BCAS3: variants seen among roughly 807,000 people sequenced by gnomAD.
The protein encoded by BCAS3 is BCAS4/BCAS3 fusion.
BCAS3 carries 53 observed loss-of-function variants against 116.1 expected under a neutral mutation model. The observed-to-expected ratio is 0.46, with a 90% CI of 0.37 to 0.57. The LOEUF (loss-of-function observed/expected upper bound fraction) is 0.57. Ranked by LOEUF, BCAS3 falls within the 20% of genes least tolerant of loss-of-function variation. The pLI, the probability that BCAS3 is intolerant of heterozygous loss-of-function variation, is 0.00. For missense variants in BCAS3, 917 were observed against 1,165.4 expected, an observed-to-expected ratio of 0.79 and a Z score of 3.10; for synonymous variants, 391 against 408.2, an observed-to-expected ratio of 0.96 and a Z score of 0.51.
intron 10 of BCAS3, among the ~76,000 whole-genome samples, chr17:60,896,956 A>C (rs2145038329): frequency 6.6e-6 from 1 of 151,496 alleles, no homozygotes; most frequent in African/African-American, 2.4e-5. Context: ...CTGCAGTGGT[A>C]CTCTTTGAGT....
chr17:61,175,403 C>T (rs1188134824), intron 22 of BCAS3, among the ~76,000 whole-genome samples: 2 of 151,318 alleles, frequency 1.3e-5, no homozygotes, highest in African/African-American at 2.4e-5. Flanking sequence ...AAAAAAAAAG[C>T]TCTTGGGTTT....
intron 7 of BCAS3, among the ~76,000 whole-genome samples, chr17:60,833,484 T>C (rs1052612645): frequency 7.9e-5 from 12 of 152,226 alleles, no homozygotes; most frequent in Non-Finnish European, 1.6e-4. Context: ...CAAGATTGTG[T>C]CAGAAACTCA....
Position 61,241,515 on chromosome 17 carries a change from T to C in BCAS3, c.2426-126812T>C, listed in dbSNP as rs933755868. 1.3e-5 allele frequency among the ~76,000 whole-genome samples: 2 copies of C among 151,378 alleles called. No homozygotes were observed. Among genetic ancestry groups the C allele is most frequent in the African/African-American group, 4.9e-5 (2 of 41,226 alleles). On this transcript the variant is annotated intron_variant, in intron 22 of 23. Transcript: ENST00000407086. The surrounding 1 kb of genome is among the most constrained non-coding windows in gnomAD (Gnocchi z 4.6). Reference sequence around the variant, plus strand: ...TCACGAGGTCAGGAGATCAAGACCATCCTCGCTAACACGGTGAAACCCCAC... The same window carrying C: ...TCACGAGGTCAGGAGATCAAGACCACCCTCGCTAACACGGTGAAACCCCAC...
chr17:60,972,130 G>A (rs541538572), intron 14 of BCAS3, among the ~76,000 whole-genome samples: 1 of 152,286 alleles, frequency 6.6e-6, no homozygotes, highest in Admixed American at 6.5e-5. Flanking sequence ...TCACCTTGGT[G>A]TACATGTTCG....
Position 61,381,624 on chromosome 17 carries a change from C to T in BCAS3, c.2594-10353C>T, listed in dbSNP as rs1190180584. On this transcript the variant is annotated intron_variant, in intron 23 of 23. Coordinates refer to ENST00000407086, the MANE Select transcript of BCAS3 (RefSeq NM_017679.5). This position sits in a 1 kb window ranked among gnomAD's most constrained non-coding sequence, Gnocchi z 6.0. ...TGCCACCGAGAAGTTAAATCTATTA[C>T]TAAACTCAGGTTTACCATCTGGAAA... 1.3e-5 allele frequency among the ~76,000 whole-genome samples: 2 copies of T among 152,200 alleles called. No homozygotes were observed. The highest frequency in any genetic ancestry group is 2.9e-5 in the Non-Finnish European group (2 of 68,038).
In BCAS3 at chr17:61,104,745, A is replaced by G. The variant is rs2074536182; in HGVS notation, c.2425+20181A>G. ...GAAATGAAAAATATTTGCCCTCTCC[A>G]TAAAAAAAATGCTTACAACTTTATC... is the stretch of plus-strand genomic sequence containing the variant. On this transcript the variant is annotated intron_variant, in intron 22 of 23. Coordinates refer to ENST00000407086, the MANE Select transcript of BCAS3 (RefSeq NM_017679.5). This position sits in a 1 kb window ranked among gnomAD's most constrained non-coding sequence, Gnocchi z 4.1. Among the ~76,000 whole-genome samples, 1 of 152,202 alleles carries G rather than the reference A, an allele frequency of 6.6e-6. No individual in the cohort carries two copies. The highest frequency in any genetic ancestry group is 2.4e-5 in the African/African-American group (1 of 41,446).
chr17:61,212,973 T>G (rs780064702), intron 22 of BCAS3, among the ~76,000 whole-genome samples: 9 of 152,142 alleles, frequency 5.9e-5, no homozygotes, highest in Non-Finnish European at 1.3e-4. Context: ...GTTAATACCT[T>G]TTTCATTATA....
Position 61,344,088 on chromosome 17 carries a change from G to A in BCAS3, c.2426-24239G>A, listed in dbSNP as rs1009928184. 2.6e-5 allele frequency among the ~76,000 whole-genome samples: 4 copies of A among 152,250 alleles called. No homozygotes were observed. Among genetic ancestry groups the A allele is most frequent in the Non-Finnish European group, 4.4e-5 (3 of 68,022 alleles). On this transcript the variant is annotated intron_variant, in intron 22 of 23. Transcript: ENST00000407086. The surrounding 1 kb of genome is among the most constrained non-coding windows in gnomAD (Gnocchi z 4.1). ...AGAGTAGAAGACTAGGGCCAGGAGC[G>A]TGGGACAGGCTAAGGATGCCGGCTA... is the stretch of plus-strand genomic sequence containing the variant.
intron 3 of BCAS3, among the ~76,000 whole-genome samples, chr17:60,685,194 C>T (rs942943388): frequency 3.9e-5 from 6 of 151,976 alleles, no homozygotes; most frequent in Non-Finnish European, 5.9e-5. Context: ...GGGCCGGGTG[C>T]GGTGGCTCAC....
At position 61,243,639 on chromosome 17, in the gene BCAS3, AC is replaced by A. The variant is rs2047701084; in HGVS notation, c.2426-124686del. The stretch of plus-strand genomic sequence containing the variant: ...CAGTTTGATTGAATCAAGGGTAATC[AC>A]CATTATCCTGATTTTCAGGACTTTC... On this transcript the variant is annotated intron_variant, in intron 22 of 23. Transcript: ENST00000407086. The surrounding 1 kb of genome is among the most constrained non-coding windows in gnomAD (Gnocchi z 5.6). Among the ~76,000 whole-genome samples, 1 of 152,232 alleles carries A rather than the reference AC, an allele frequency of 6.6e-6. No homozygotes were observed. The highest frequency in any genetic ancestry group is 2.4e-5 in the African/African-American group (1 of 41,462).
chr17:60,737,646 T>C (rs1473306650), intron 5 of BCAS3, among the ~76,000 whole-genome samples: 1 of 152,094 alleles, frequency 6.6e-6, no homozygotes, highest in Admixed American at 6.5e-5. Flanking sequence ...GCTTTCTTCT[T>C]TGACCTATGT....
At chr17:61,360,205 A>G (rs113591953) in intron 22 of BCAS3, among the ~76,000 whole-genome samples, 1,979 of 152,120 alleles carry the variant, frequency 0.013, 37 homozygotes, top group African/African-American at 0.044. Flanking sequence ...GGGTTTCACC[A>G]TATTGGTCAG....
At chr17:60,820,613 CAAAAT>C (rs964598710) in intron 7 of BCAS3, among the ~76,000 whole-genome samples, 2 of 151,798 alleles carry the variant, frequency 1.3e-5, no homozygotes, top group African/African-American at 4.8e-5. Flanking sequence ...AATTTGAATA[CAAAAT>C]TAGAACATTT....
At chr17:61,236,937 G>C (rs774164528) in intron 22 of BCAS3, among the ~76,000 whole-genome samples, 5 of 152,148 alleles carry the variant, frequency 3.3e-5, no homozygotes, top group Non-Finnish European at 7.4e-5. Flanking sequence ...TAATAAAAGA[G>C]AAGACTGAAA....
chr17:60,958,575 C>G (rs1011231999), intron 14 of BCAS3, among the ~76,000 whole-genome samples: 3 of 152,166 alleles, frequency 2.0e-5, no homozygotes, highest in Non-Finnish European at 4.4e-5. Flanking sequence ...AAACCATTTT[C>G]TTGTGCTAGA....
At chr17:61,148,578 G>A (rs1051273373) in intron 22 of BCAS3, among the ~76,000 whole-genome samples, 9 of 152,074 alleles carry the variant, frequency 5.9e-5, no homozygotes, top group African/African-American at 2.2e-4. Flanking sequence ...ACATTTTTAT[G>A]GATATTTCCT....
intron 6 of BCAS3, among the ~76,000 whole-genome samples, chr17:60,793,131 T>G (rs1055702853): frequency 1.8e-4 from 28 of 152,190 alleles, no homozygotes; most frequent in African/African-American, 6.5e-4. Context: ...GGAGTCTCAC[T>G]CTGTCGCCCA....
Position 61,355,056 on chromosome 17 carries a change from G to A in BCAS3, c.2426-13271G>A, listed in dbSNP as rs944014812. 6.6e-6 allele frequency: 1 copy of A among 152,142 alleles called. No individual in the cohort carries two copies. The highest frequency in any genetic ancestry group is 1.5e-5 in the Non-Finnish European group (1 of 68,054). 9.4% of individuals were successfully genotyped at this position (152,142 alleles called of 1,614,324 possible). On this transcript the variant is annotated intron_variant, in intron 22 of 23. Coordinates refer to ENST00000407086, the MANE Select transcript of BCAS3 (RefSeq NM_017679.5). The surrounding 1 kb of genome is among the most constrained non-coding windows in gnomAD (Gnocchi z 4.2). ...TTGAAATTCCCAAGGCCAGCAGGGG[G>A]CCCAGGCCTGCAAAGCTGGGCCTCC...
intron 6 of BCAS3, among the ~76,000 whole-genome samples, chr17:60,771,405 G>C: frequency 6.6e-6 from 1 of 150,918 alleles, no homozygotes; most frequent in East Asian, 1.9e-4. Flanking sequence ...TAAGTTGTCA[G>C]GATAAAGTAT....
Sources: gnomAD v4.1 joint callset for allele counts (sites outside exome capture counted in the v4.1 genomes callset) on GRCh38, gnomAD v4.1.1 for gene constraint, Gnocchi (gnomAD v3.1) non-coding constraint, MANE v1.5 for transcripts, NCBI Gene and HGNC (gene_info 2026-07-23, HGNC 2026-07-21) for gene names.